ASXL2: variants seen among roughly 807,000 people sequenced by gnomAD.
ASXL2 encodes the protein putative Polycomb group protein ASXL2.
Under a neutral mutation model 122.0 loss-of-function variants are expected in ASXL2, and 23 were observed. The observed-to-expected ratio is 0.19, with a 90% CI of 0.14 to 0.27. ASXL2 has a LOEUF of 0.27. ASXL2 is among the 10% of genes least tolerant of loss of function. The pLI, the probability that ASXL2 is intolerant of heterozygous loss-of-function variation, is 1.00. For synonymous variants in ASXL2, 650 were observed against 637.0 expected (o/e 1.02, Z -0.31); for missense variants, 1,518 against 1,713.8 (o/e 0.89, Z 2.02).
chr2:25,786,468 T>A (rs970194693), intron 5 of ASXL2, among the ~76,000 whole-genome samples: 15 of 151,784 alleles, frequency 9.9e-5, no homozygotes, highest in South Asian at 2.1e-4. Flanking sequence ...CTCGATCTCC[T>A]GACCTTGTGA....
intron 1 of ASXL2, among the ~76,000 whole-genome samples, chr2:25,871,080 A>G (rs2089958820): frequency 6.6e-6 from 1 of 152,222 alleles, no homozygotes; most frequent in South Asian, 2.1e-4. Context: ...AGCTCATTCA[A>G]TAACCTTTTA....
chr2:25,810,505 G>T, intron 3 of ASXL2: 1 of 745,924 alleles, frequency 1.3e-6, no homozygotes. Flanking sequence ...ATGGTTCAAG[G>T]AGGCCACCTC....
intron 1 of ASXL2, among the ~76,000 whole-genome samples, chr2:25,846,014 A>T (rs1281046868): frequency 1.3e-5 from 2 of 152,126 alleles, no homozygotes; most frequent in Non-Finnish European, 2.9e-5. Context: ...CCTGGGGAGG[A>T]AAGCACAACT....
In ASXL2 at chr2:25,734,667, G is replaced by C. The variant is rs3731639; in HGVS notation, c.*7362C>G. The stretch of plus-strand genomic sequence containing the variant: ...GAATCCCTGATTAAACTTAATAAAA[G>C]TATTGACTCAAGTTGGTCTAATATA... On this transcript the variant is annotated 3_prime_UTR_variant, in exon 13 of 13. Transcript: ENST00000435504. The C allele has an allele frequency of 2.0e-5, 3 of 151,932 alleles. No homozygotes were observed. The highest frequency in any genetic ancestry group is 7.3e-5 in the African/African-American group (3 of 41,350). 9.4% of individuals were successfully genotyped at this position (151,932 alleles called of 1,614,324 possible).
chr2:25,837,943 C>G (rs1431613690), intron 2 of ASXL2, among the ~76,000 whole-genome samples: 2 of 147,500 alleles, frequency 1.4e-5, no homozygotes, highest in East Asian at 3.9e-4. Flanking sequence ...ATGGCAAAAC[C>G]CTGTCTCTAC....
Position 25,811,040 on chromosome 2 carries a change from C to T in ASXL2, c.144-4703G>A, listed in dbSNP as rs187968752. Reference sequence around the variant, plus strand: ...CTAGTCTGAGCAACCCCTGTCTCTACAAAAAATACAAAAATACACACACAC... The same window carrying T: ...CTAGTCTGAGCAACCCCTGTCTCTATAAAAAATACAAAAATACACACACAC... On this transcript the variant is annotated intron_variant, in intron 3 of 12. Transcript: ENST00000435504. 4.8e-5 allele frequency among the ~76,000 whole-genome samples: 6 copies of T among 124,516 alleles called. No homozygotes were observed. In the Admixed American group the frequency reaches 5.0e-4, roughly 10 times the overall value. 81.7% of individuals were successfully genotyped at this position (124,516 alleles called of 152,430 possible). A position where few individuals can be genotyped will look rare whatever the true frequency, so the allele number is the denominator to read the frequency against.
At chr2:25,797,591 A>G (rs1353462936) in intron 5 of ASXL2, among the ~76,000 whole-genome samples, 2 of 152,278 alleles carry the variant, frequency 1.3e-5, no homozygotes, top group African/African-American at 4.8e-5. Context: ...CTGATGAGAC[A>G]TCTCACGAAA....
chr2:25,834,181 C>T (rs1052829941), intron 3 of ASXL2, among the ~76,000 whole-genome samples: 4 of 151,958 alleles, frequency 2.6e-5, no homozygotes, highest in African/African-American at 7.3e-5. Flanking sequence ...GGTAAAACCC[C>T]GTCTCTACTA....
intron 5 of ASXL2, among the ~76,000 whole-genome samples, chr2:25,785,525 C>G (rs1418689533): frequency 6.6e-6 from 1 of 151,076 alleles, no homozygotes; most frequent in African/African-American, 2.4e-5. Context: ...GTGCCCACCC[C>G]CCAAACCTTT....
intron 1 of ASXL2, among the ~76,000 whole-genome samples, chr2:25,863,796 G>A (rs1035431055): frequency 1.1e-4 from 16 of 151,562 alleles, no homozygotes; most frequent in South Asian, 2.1e-4. Context: ...ACTTGAGGTC[G>A]GGAGTTCGAG....
intron 12 of ASXL2, among the ~76,000 whole-genome samples, chr2:25,747,495 T>C (rs1271909165): frequency 6.6e-6 from 1 of 151,984 alleles, no homozygotes; most frequent in Non-Finnish European, 1.5e-5. Flanking sequence ...TTGAGGGAGA[T>C]GAGGGAGAAG....
chr2:25,780,484 G>A (rs535859678), intron 5 of ASXL2, among the ~76,000 whole-genome samples: 47 of 152,080 alleles, frequency 3.1e-4, no homozygotes, highest in African/African-American at 1.1e-3. Flanking sequence ...CTAAGATGTG[G>A]TACCCAGAAC....
At chr2:25,778,924 C>T (rs2088588771) in intron 5 of ASXL2, among the ~76,000 whole-genome samples, 1 of 152,106 alleles carries the variant, frequency 6.6e-6, no homozygotes, top group Middle Eastern at 3.2e-3. Flanking sequence ...ACAGTGTGCA[C>T]ACCACACTAG....
intron 5 of ASXL2, among the ~76,000 whole-genome samples, chr2:25,775,111 C>A (rs1416453277): frequency 6.6e-6 from 1 of 151,118 alleles, no homozygotes; most frequent in Non-Finnish European, 1.5e-5. Context: ...GGCTCTGTGT[C>A]CCCACTCAAA....
At chr2:25,786,247 T>TTTTC (rs1315616692) in intron 5 of ASXL2, among the ~76,000 whole-genome samples, 3 of 139,954 alleles carry the variant, frequency 2.1e-5, no homozygotes, top group Non-Finnish European at 4.6e-5. Flanking sequence ...ATCATTCTTT[T>TTTTC]TTTTTTTTTT....
At chr2:25,822,110 C>T (rs953025718) in intron 3 of ASXL2, among the ~76,000 whole-genome samples, 1 of 152,200 alleles carries the variant, frequency 6.6e-6, no homozygotes, top group African/African-American at 2.4e-5. Context: ...CACCTTCACA[C>T]AGAAATTTTG....
intron 5 of ASXL2, among the ~76,000 whole-genome samples, chr2:25,774,931 T>G (rs2088520853): frequency 6.6e-6 from 1 of 152,218 alleles, no homozygotes; most frequent in South Asian, 2.1e-4. Flanking sequence ...AGCTGAACAC[T>G]TGTTAACATT....
At chr2:25,828,623 A>G (rs892584632) in intron 3 of ASXL2, among the ~76,000 whole-genome samples, 2 of 151,672 alleles carry the variant, frequency 1.3e-5, no homozygotes, top group African/African-American at 2.4e-5. Flanking sequence ...CAGGAGTTTG[A>G]GACCAGCTTG....
At chr2:25,808,175 A>G (rs574261335) in intron 3 of ASXL2, among the ~76,000 whole-genome samples, 8 of 152,188 alleles carry the variant, frequency 5.3e-5, no homozygotes, top group Non-Finnish European at 8.8e-5. Flanking sequence ...GGTATTAGGA[A>G]GCAAGGCCTA....
Sources: allele counts gnomAD v4.1 joint callset (sites outside exome capture counted in the v4.1 genomes callset), GRCh38; gene constraint gnomAD v4.1.1; transcripts MANE v1.5; gene names NCBI Gene and HGNC (gene_info 2026-07-23, HGNC 2026-07-21).